Variants in ROCK2 observed in about 807,000 individuals in gnomAD.
ROCK2 encodes rho-associated protein kinase 2.
A neutral mutation model predicts 195.1 loss-of-function variants in ROCK2; 61 were observed. That is an observed-to-expected ratio of 0.31 (90% CI 0.25 to 0.39). ROCK2 has a LOEUF of 0.39. Ranked by LOEUF, ROCK2 falls within the 10% of genes least tolerant of loss-of-function variation. The pLI is 1.00. For synonymous variants in ROCK2, 504 were observed against 545.5 expected (o/e 0.92, Z 1.06); for missense variants, 1,109 against 1,637.4 (o/e 0.68, Z 5.57).
rs771825593 is a variant in ROCK2 at position 11,192,290 on chromosome 2, C to T, written c.4021G>A (p.Val1341Ile). 4.3e-6 allele frequency: 7 copies of T among 1,613,870 alleles called. No individual in the cohort carries two copies. In the Admixed American group the frequency reaches 1.0e-4, roughly 23 times the overall value. The change falls in exon 32 of 33, where the codon GTT becomes ATT. Residue 1341 changes from valine (V) to isoleucine (I), a missense_variant. This residue lies in a region of ROCK2 where 221 missense variants were observed against 355.1 expected (regional missense o/e 0.62). Coordinates refer to ENST00000315872, the MANE Select transcript of ROCK2 (RefSeq NM_004850.5). The surrounding 1 kb of genome is among the most constrained non-coding windows in gnomAD (Gnocchi z 5.0). ...GGTATCTTTTTCACCAACCGACTAA[C>T]CCACTTCTGCTGCTCTTCTGTAGAA... Reference protein sequence around the residue: ...ANSTEEQQKWVSRLVKKIPKK... With the variant: ...ANSTEEQQKWISRLVKKIPKK...
At chr2:11,299,855 A>ACAGTTCTTTCATACCTCT (rs1558373469) in intron 1 of ROCK2, among the ~76,000 whole-genome samples, 1 of 152,242 alleles carries the variant, frequency 6.6e-6, no homozygotes, top group African/African-American at 2.4e-5. Context: ...CCAGGAGGCA[A>ACAGTTCTTTCATACCTCT]CAGTTCTTTC....
At chr2:11,190,057 A>G (rs977108482) in intron 32 of ROCK2, among the ~76,000 whole-genome samples, 21 of 152,174 alleles carry the variant, frequency 1.4e-4, no homozygotes, top group African/African-American at 4.8e-4. Context: ...TACAGACACA[A>G]TGCTAGGAGT....
At chr2:11,280,462 G>GAAAA (rs767122690) in intron 3 of ROCK2, among the ~76,000 whole-genome samples, 1 of 92,506 alleles carries the variant, frequency 1.1e-5, no homozygotes, top group African/African-American at 3.9e-5. Context: ...CATCTCTACA[G>GAAAA]AAAAAAAAAA....
intron 4 of ROCK2, among the ~76,000 whole-genome samples, chr2:11,236,455 T>C (rs969720721): frequency 1.3e-4 from 20 of 151,712 alleles, no homozygotes; most frequent in Admixed American, 1.1e-3. Flanking sequence ...AAAGAATGAG[T>C]CACTGGTAGC....
At chr2:11,321,104 T>C (rs1265337679) in intron 1 of ROCK2, among the ~76,000 whole-genome samples, 3 of 152,166 alleles carry the variant, frequency 2.0e-5, no homozygotes, top group Admixed American at 2.0e-4. Context: ...TTTCCCTCAG[T>C]AGCATGGAAA....
chr2:11,199,470 AACC>A (rs1374303007), intron 23 of ROCK2, among the ~76,000 whole-genome samples: 2 of 151,028 alleles, frequency 1.3e-5, no homozygotes, highest in African/African-American at 4.9e-5. Context: ...TATAGGCATG[AACC>A]ACCACACCTG....
chr2:11,235,638 T>A lies in ROCK2; in HGVS notation c.723+64A>T, dbSNP rs1665176986. 7 of 1,504,624 alleles carry A rather than the reference T, an allele frequency of 4.7e-6. No individual in the cohort carries two copies. Among genetic ancestry groups the A allele is most frequent in the Non-Finnish European group, 6.3e-6 (7 of 1,113,898 alleles). The allele number at this position is 1,504,624 out of a possible 1,614,324, so 93.2% of individuals were successfully genotyped here. ...TTGTTCAAAACTATGAAGACCTGAC[T>A]TAAAGTATTTCATTTATTTCTGTCC... On this transcript the variant is annotated intron_variant, in intron 5 of 32. Transcript: ENST00000315872. The surrounding 1 kb of genome is among the most constrained non-coding windows in gnomAD (Gnocchi z 4.2).
chr2:11,268,068 C>T (rs1666482328), intron 3 of ROCK2, among the ~76,000 whole-genome samples: 4 of 151,946 alleles, frequency 2.6e-5, no homozygotes, highest in Admixed American at 1.3e-4. Flanking sequence ...ACAGTGCTTC[C>T]GGGATCCAAA....
At chr2:11,260,180 G>A (rs1357369305) in intron 3 of ROCK2, among the ~76,000 whole-genome samples, 1 of 151,420 alleles carries the variant, frequency 6.6e-6, no homozygotes, top group African/African-American at 2.5e-5. Flanking sequence ...GGGTGTGGTG[G>A]CTCACGCCTG....
At chr2:11,188,749 G>A (rs947598046) in intron 32 of ROCK2, among the ~76,000 whole-genome samples, 6 of 148,470 alleles carry the variant, frequency 4.0e-5, no homozygotes, top group Non-Finnish European at 8.9e-5. Flanking sequence ...TCAGCCTCCC[G>A]AGTAGCTGGG....
At chr2:11,212,465 C>A (rs1304405241) in intron 17 of ROCK2, among the ~76,000 whole-genome samples, 2 of 151,988 alleles carry the variant, frequency 1.3e-5, no homozygotes, top group Non-Finnish European at 2.9e-5. Flanking sequence ...CACTGCCCCC[C>A]TTAAAACTAT....
At chr2:11,205,699 A>G (rs1053332635) in intron 20 of ROCK2, among the ~76,000 whole-genome samples, 1 of 152,050 alleles carries the variant, frequency 6.6e-6, no homozygotes, top group African/African-American at 2.4e-5. Context: ...TGGGTAGGAA[A>G]TGTATTTGGT....
Position 11,344,386 on chromosome 2 carries a change from C to A in ROCK2, c.-250G>T, listed in dbSNP as rs1572436848. On this transcript the variant is annotated 5_prime_UTR_variant, in exon 1 of 33. Coordinates refer to ENST00000315872, the MANE Select transcript of ROCK2 (RefSeq NM_004850.5). This position sits in a 1 kb window ranked among gnomAD's most constrained non-coding sequence, Gnocchi z 5.4. ...GGCGGGGAACAGACGGCGTCCCCGCCCCTCAGTCAGATTCGCGCCGCCGGT... is the reference window on the plus strand; with the variant it reads ...GGCGGGGAACAGACGGCGTCCCCGCACCTCAGTCAGATTCGCGCCGCCGGT... 1 of 1,134,184 alleles carries A rather than the reference C, an allele frequency of 8.8e-7. No individual in the cohort carries two copies. The highest frequency in any genetic ancestry group is 1.6e-5 in the African/African-American group (1 of 61,736). The allele number at this position is 1,134,184 out of a possible 1,614,324, so 70.3% of individuals were successfully genotyped here. A position where few individuals can be genotyped will look rare whatever the true frequency, so the allele number is the denominator to read the frequency against.
intron 20 of ROCK2, among the ~76,000 whole-genome samples, chr2:11,207,404 G>A (rs762160213): frequency 1.4e-4 from 21 of 152,108 alleles, no homozygotes; most frequent in Non-Finnish European, 3.1e-4. Context: ...GAAACAAACA[G>A]GCACACGGAC....
intron 1 of ROCK2, among the ~76,000 whole-genome samples, chr2:11,288,422 A>T (rs972644745): frequency 6.6e-6 from 1 of 152,318 alleles, no homozygotes; most frequent in Non-Finnish European, 1.5e-5. Flanking sequence ...AAACACTATC[A>T]CATACATTGT....
chr2:11,316,655 A>G (rs1668202227), intron 1 of ROCK2, among the ~76,000 whole-genome samples: 2 of 152,180 alleles, frequency 1.3e-5, no homozygotes, highest in South Asian at 2.1e-4. Context: ...TGCAGGCTTT[A>G]AAAATATTTT....
intron 28 of ROCK2, among the ~76,000 whole-genome samples, chr2:11,194,551 T>G (rs1663553412): frequency 6.6e-6 from 1 of 151,964 alleles, no homozygotes; most frequent in Admixed American, 6.6e-5. Flanking sequence ...AAGCAAACTG[T>G]GGGGAGAAGT....
At chr2:11,292,006 TCTGA>T (rs1381043081) in intron 1 of ROCK2, among the ~76,000 whole-genome samples, 4 of 152,112 alleles carry the variant, frequency 2.6e-5, no homozygotes, top group Non-Finnish European at 2.9e-5. Flanking sequence ...TGATAGTTAA[TCTGA>T]CTGGTAAATC....
intron 1 of ROCK2, among the ~76,000 whole-genome samples, chr2:11,325,910 TCTGGGAACAATG>T (rs1269698062): frequency 5.3e-5 from 8 of 152,076 alleles, no homozygotes; most frequent in African/African-American, 1.9e-4. Context: ...GCTGATAAGA[TCTGGGAACAATG>T]TGAGGTCAAA....
Sources: gnomAD v4.1 joint callset for allele counts (sites outside exome capture counted in the v4.1 genomes callset) on GRCh38, gnomAD v4.1.1 for gene constraint, gnomAD v4.1.1 regional missense constraint, Gnocchi (gnomAD v3.1) non-coding constraint, MANE v1.5 for transcripts, NCBI Gene and HGNC (gene_info 2026-07-23, HGNC 2026-07-21) for gene names.